Variants in MYO5C observed in about 807,000 individuals in gnomAD.
MYO5C encodes myosin VC.
In MYO5C, 194 loss-of-function variants were observed where a neutral mutation model predicts 235.7. The ratio of observed to expected loss-of-function variants is 0.82; its 90% CI spans 0.73 to 0.93. The LOEUF (loss-of-function observed/expected upper bound fraction) is 0.93. Among genes scored for constraint, MYO5C ranks in the 40% least tolerant of loss-of-function variants. MYO5C has a pLI of 0.00. For missense variants in MYO5C, 2,038 were observed against 2,127.2 expected (o/e 0.96, Z 0.82); for synonymous variants, 707 against 754.8 (o/e 0.94, Z 1.04).
rs531957400 is a variant in MYO5C, at chr15:52,268,286, C to T, written c.940+1467G>A. On this transcript the variant is annotated intron_variant, in intron 8 of 40. Transcript: ENST00000261839. ...TCAGCAAGACGTAGAAATGGCTGGC[C>T]GGGCGCGGTGGCTCATGCCTGTAAT... 3.3e-5 allele frequency among the ~76,000 whole-genome samples: 5 copies of T among 152,232 alleles called. No individual in the cohort carries two copies. The South Asian group carries it at 1.0e-3, about 32-fold the overall frequency.
chr15:52,260,813 C>T (rs1402669842), intron 10 of MYO5C, 49 bp downstream of exon 10: 4 of 1,583,482 alleles, frequency 2.5e-6, no homozygotes, highest in Middle Eastern at 1.7e-4. Context: ...AACCATGCGG[C>T]TCTCAACATT....
Position 52,261,099 on chromosome 15 carries a change from C to T in MYO5C, c.1076G>A (p.Cys359Tyr). 6.2e-7 allele frequency: 1 copy of T among 1,614,194 alleles called. No homozygotes were observed. Among genetic ancestry groups the T allele is most frequent in the Non-Finnish European group, 8.5e-7 (1 of 1,180,050 alleles). ...GCCACTCTCCAGGCCCAGGAGCTCACAGAACACCTTCAGGTGACTGTCATC... is the reference window on the plus strand; with the variant it reads ...GCCACTCTCCAGGCCCAGGAGCTCATAGAACACCTTCAGGTGACTGTCATC... Reference protein sequence around the residue: ...SEDDSHLKVFCELLGLESGRV... With the variant: ...SEDDSHLKVFYELLGLESGRV... The change falls in exon 10 of 41, where the codon TGT (cysteine) becomes TAT (tyrosine). Residue 359 changes from cysteine (C) to tyrosine (Y), a missense_variant. Cys to Tyr is a radical substitution (Grantham distance 194). Transcript: ENST00000261839.
chr15:52,235,737 A>G lies in MYO5C; in HGVS notation c.2895T>C (p.Asn965=), dbSNP rs771230406. The change falls in exon 23 of 41, where the codon AAT becomes AAC. Residue 965 remains asparagine, a synonymous_variant. Coordinates refer to ENST00000261839, the MANE Select transcript of MYO5C (RefSeq NM_018728.4). ...GTTCTTTCTGTGTTTCCAGTTCTGA[A>G]TTATGCTTCTGAAGCTTTGCCAATT... ...EEKLAKLQKH[N]SELETQKEQI... 2.5e-6 allele frequency: 4 copies of G among 1,611,570 alleles called. No individual in the cohort carries two copies. Among genetic ancestry groups the G allele is most frequent in the Non-Finnish European group, 3.4e-6 (4 of 1,178,684 alleles).
At chr15:52,262,724 G>T (rs2036722572) in intron 9 of MYO5C, among the ~76,000 whole-genome samples, 1 of 152,192 alleles carries the variant, frequency 6.6e-6, no homozygotes, top group Admixed American at 6.5e-5. Flanking sequence ...ACTCAGCTCT[G>T]CTCTCTCCCC....
At chr15:52,277,257 T>C in intron 4 of MYO5C, 1 of 525,960 alleles carries the variant, frequency 1.9e-6, no homozygotes, top group Non-Finnish European at 3.9e-6. Context: ...GTTATGGCAG[T>C]TACACAGACA....
intron 9 of MYO5C, 127 bp from the exon 10 acceptor site, chr15:52,261,254 C>G: frequency 8.8e-7 from 1 of 1,142,824 alleles, no homozygotes; most frequent in South Asian, 1.6e-5. Context: ...GGCACAAGGA[C>G]GCCCAGCCTC....
At chr15:52,283,640 T>G (rs28523395) in intron 1 of MYO5C, among the ~76,000 whole-genome samples, 29,870 of 152,020 alleles carry the variant, frequency 0.2, 3,302 homozygotes, top group African/African-American at 0.29. Context: ...GTAATTAAGG[T>G]TCAGTGAGGT....
intron 20 of MYO5C, among the ~76,000 whole-genome samples, 200 bp from the exon 21 acceptor site, chr15:52,240,079 T>C (rs1267471940): frequency 6.6e-6 from 1 of 152,192 alleles, no homozygotes; most frequent in Non-Finnish European, 1.5e-5. Flanking sequence ...GACACTCTCA[T>C]TCTAGAACCC....
At chr15:52,225,230 A>C (rs1482025119) in intron 26 of MYO5C, 92 bp from the exon 27 acceptor site, 1 of 1,388,314 alleles carries the variant, frequency 7.2e-7, no homozygotes, top group African/African-American at 1.4e-5. Flanking sequence ...CTAGCTTCAC[A>C]GTCTCCAGCT....
chr15:52,236,594 T>C (rs958102413), intron 22 of MYO5C, among the ~76,000 whole-genome samples: 3 of 152,010 alleles, frequency 2.0e-5, no homozygotes, highest in Admixed American at 6.5e-5. Flanking sequence ...GAGAATTGCT[T>C]GAACCCGGGA....
chr15:52,263,722 A>G (rs1441319966), intron 9 of MYO5C, among the ~76,000 whole-genome samples: 3 of 151,970 alleles, frequency 2.0e-5, no homozygotes, highest in Non-Finnish European at 2.9e-5. Context: ...CCTTCTCAGA[A>G]AGTCTTTCTC....
chr15:52,225,912 T>C (rs1034009965), intron 25 of MYO5C, among the ~76,000 whole-genome samples: 1 of 152,066 alleles, frequency 6.6e-6, no homozygotes, highest in Non-Finnish European at 1.5e-5. Flanking sequence ...TAGCCAGGCA[T>C]GGTGGCAGAC....
chr15:52,252,460 T>C (rs1181959463), intron 12 of MYO5C, among the ~76,000 whole-genome samples: 1 of 151,852 alleles, frequency 6.6e-6, no homozygotes, highest in Non-Finnish European at 1.5e-5. Flanking sequence ...TTTTTTGAGA[T>C]GGAAACCCCA....
chr15:52,205,856 TTGA>T lies in MYO5C; in HGVS notation c.4494_4496del (p.His1498del). ...TATTCTTTTCCATTATGATAATAAA[TTGA>T]TGATATATTCGTATAGCCACATCAC... On this transcript the variant is annotated inframe_deletion, in exon 37 of 41. Coordinates refer to ENST00000261839, the MANE Select transcript of MYO5C (RefSeq NM_018728.4). 6.3e-7 allele frequency: 1 copy of T among 1,589,716 alleles called. No homozygotes were observed.
intron 31 of MYO5C, among the ~76,000 whole-genome samples, chr15:52,219,477 CG>C (rs1566966375): frequency 6.6e-6 from 1 of 152,188 alleles, no homozygotes; most frequent in African/African-American, 2.4e-5. Context: ...GTGAAAAGTA[CG>C]TGTCCTCCCC....
chr15:52,257,115 T>C (rs116172215), intron 10 of MYO5C, among the ~76,000 whole-genome samples: 1,650 of 152,366 alleles, frequency 0.011, 32 homozygotes, highest in African/African-American at 0.038. Context: ...CGAAGCTGCC[T>C]GACTGTGATG....
In MYO5C at chr15:52,232,674, T is replaced by G; in HGVS notation, c.2974A>C (p.Asn992His). 6.2e-7 allele frequency: 1 copy of G among 1,613,936 alleles called. No homozygotes were observed. The highest frequency in any genetic ancestry group is 8.5e-7 in the Non-Finnish European group (1 of 1,179,950). The change falls in exon 24 of 41, where the codon AAC (asparagine) becomes CAC (histidine). Residue 992 changes from asparagine (N) to histidine (H), a missense_variant. Physicochemically the swap from Asn to His is moderately conservative, Grantham distance 68. Coordinates refer to ENST00000261839, the MANE Select transcript of MYO5C (RefSeq NM_018728.4). ...TCATCAAAGAGCTGCTTGGTGAGGTTGTCCATTTTTTCTGTAAAAAGAGAA... is the reference window on the plus strand; with the variant it reads ...TCATCAAAGAGCTGCTTGGTGAGGTGGTCCATTTTTTCTGTAAAAAGAGAA... ...KTEELKEKMDNLTKQLFDDVQ... is the reference protein window; with the variant it reads ...KTEELKEKMDHLTKQLFDDVQ...
At chr15:52,241,906 T>A in intron 20 of MYO5C, 142 bp downstream of exon 20, 1 of 972,674 alleles carries the variant, frequency 1.0e-6, no homozygotes, top group Non-Finnish European at 1.5e-6. Flanking sequence ...CCACAGCACC[T>A]GGAAGAATCT....
chr15:52,282,768 G>C lies in MYO5C; in HGVS notation c.138+14C>G. 1 of 1,555,878 alleles carries C rather than the reference G, an allele frequency of 6.4e-7. No individual in the cohort carries two copies. The highest frequency in any genetic ancestry group is 1.1e-5 in the South Asian group (1 of 89,962). ...TTACACATCGACGTAGCTGTGAACA[G>C]CAAGGACCCTCACCGTTCCATCCTC... On this transcript the variant is annotated intron_variant, in intron 2 of 40. Transcript: ENST00000261839.
Sources: gnomAD v4.1 joint callset for allele counts (sites outside exome capture counted in the v4.1 genomes callset) on GRCh38, gnomAD v4.1.1 for gene constraint, MANE v1.5 for transcripts, NCBI Gene and HGNC (gene_info 2026-07-23, HGNC 2026-07-21) for gene names.